CTTN: variants seen among roughly 807,000 people sequenced by gnomAD.
CTTN encodes src substrate cortactin.
Under a neutral mutation model 84.0 loss-of-function variants are expected in CTTN, and 28 were observed. The observed-to-expected ratio is 0.33, with a 90% CI of 0.25 to 0.46. CTTN has a LOEUF of 0.46. CTTN is among the 20% of genes least tolerant of loss of function. CTTN has a pLI of 1.00. For missense variants in CTTN, 641 were observed against 723.8 expected, an observed-to-expected ratio of 0.89 and a Z score of 1.31; for synonymous variants, 301 against 288.8, an observed-to-expected ratio of 1.04 and a Z score of -0.43.
At chr11:70,404,864 T>TG (rs1734876289) in intron 1 of CTTN, among the ~76,000 whole-genome samples, 1 of 152,058 alleles carries the variant, frequency 6.6e-6, no homozygotes, top group South Asian at 2.1e-4. Flanking sequence ...TAGCTGGGCG[T>TG]GGTGGCGCCT....
intron 1 of CTTN, among the ~76,000 whole-genome samples, chr11:70,399,482 A>G (rs1297337086): frequency 2.0e-5 from 3 of 151,834 alleles, no homozygotes; most frequent in African/African-American, 7.3e-5. Context: ...CCCGGCCTGC[A>G]CCTGAGCGGA....
In CTTN at chr11:70,435,979, TTA is replaced by T. The variant is rs2058413538; in HGVS notation, c.*818_*819del. The T allele has an allele frequency of 7.0e-7, 1 of 1,431,286 alleles. No homozygotes were observed. 88.7% of individuals were successfully genotyped at this position (1,431,286 alleles called of 1,614,324 possible). A position where few individuals can be genotyped will look rare whatever the true frequency, so the allele number is the denominator to read the frequency against. ...TTGGCTTTTCACAAAGGCTGATGTC[TTA>T]ACTGTCACCCATATGGTCCCTGGGC... On this transcript the variant is annotated 3_prime_UTR_variant, in exon 18 of 18. Coordinates refer to ENST00000301843, the MANE Select transcript of CTTN (RefSeq NM_005231.4).
At chr11:70,428,188 A>G (rs896471423) in intron 13 of CTTN, among the ~76,000 whole-genome samples, 4 of 111,798 alleles carry the variant, frequency 3.6e-5, no homozygotes, top group African/African-American at 6.8e-5. Context: ...TTTTTTTGAG[A>G]CAGAGTCTCG....
chr11:70,418,063 A>G (rs980880492), intron 8 of CTTN, among the ~76,000 whole-genome samples: 1 of 152,090 alleles, frequency 6.6e-6, no homozygotes, highest in African/African-American at 2.4e-5. Context: ...CTGCACATTT[A>G]AATTTTTAAA....
At chr11:70,431,999 C>T (rs1240557604) in intron 15 of CTTN, among the ~76,000 whole-genome samples, 8 of 152,168 alleles carry the variant, frequency 5.3e-5, no homozygotes, top group East Asian at 3.9e-4. Flanking sequence ...CATCTCTGCT[C>T]GCCCAGGAGC....
At chr11:70,428,973 C>T (rs778777323) in intron 13 of CTTN, 78 bp from the exon 14 acceptor site, 3 of 1,557,534 alleles carry the variant, frequency 1.9e-6, no homozygotes, top group South Asian at 1.2e-5. Flanking sequence ...GGAGGTCACT[C>T]TGTGTGGGTG....
chr11:70,411,025 G>A (rs1476287055), intron 5 of CTTN, among the ~76,000 whole-genome samples: 1 of 152,208 alleles, frequency 6.6e-6, no homozygotes, highest in Non-Finnish European at 1.5e-5. Context: ...CTGCAGGAAA[G>A]AGACATGGAT....
intron 5 of CTTN, among the ~76,000 whole-genome samples, chr11:70,412,387 C>T (rs1385249352): frequency 6.6e-6 from 1 of 152,152 alleles, no homozygotes; most frequent in Middle Eastern, 3.2e-3. Flanking sequence ...CGCACCATTA[C>T]AGTCCAGCCT....
chr11:70,407,843 C>G (rs2058060269), intron 4 of CTTN: 1 of 469,648 alleles, frequency 2.1e-6, no homozygotes, highest in African/African-American at 2.0e-5. Context: ...CAAACAATTT[C>G]CGTATTTATA....
chr11:70,423,740 C>T (rs568502058), intron 12 of CTTN, among the ~76,000 whole-genome samples: 1 of 152,198 alleles, frequency 6.6e-6, no homozygotes, highest in Non-Finnish European at 1.5e-5. Flanking sequence ...GGGGATAGAG[C>T]TGGCCCTGGA....
At chr11:70,426,041 G>A (rs1181740511) in intron 13 of CTTN, among the ~76,000 whole-genome samples, 2 of 152,164 alleles carry the variant, frequency 1.3e-5, no homozygotes, top group African/African-American at 4.8e-5. Context: ...GGCCCAGGAC[G>A]CTTTGACACT....
At position 70,431,271 on chromosome 11, in the gene CTTN, C is replaced by T. The variant is rs139350657; in HGVS notation, c.1257C>T (p.Pro419=). ...CCGAGGAGAGGCTGCCCTCGAGCCC[C>T]GTCTATGAGGTTGGTGTCTTTGGTG... ...QPTEERLPSS[P]VYEDAASFKA... is the part of the protein sequence containing the mutation. Residue 419 remains proline, a synonymous_variant, in exon 15 of 18, where the codon CCC becomes CCT. Coordinates refer to ENST00000301843, the MANE Select transcript of CTTN (RefSeq NM_005231.4). 82 of 1,613,982 alleles carry T rather than the reference C, an allele frequency of 5.1e-5. No homozygotes were observed. Among genetic ancestry groups the T allele is most frequent in the South Asian group, 1.2e-4 (11 of 91,086 alleles).
intron 14 of CTTN, among the ~76,000 whole-genome samples, chr11:70,429,434 G>T (rs1215329618): frequency 2.6e-5 from 4 of 152,170 alleles, no homozygotes; most frequent in Admixed American, 2.6e-4. Flanking sequence ...TGGTCTTGCC[G>T]GTCCAGCCCC....
At chr11:70,409,303 G>C (rs2058075337) in intron 4 of CTTN, among the ~76,000 whole-genome samples, 1 of 152,104 alleles carries the variant, frequency 6.6e-6, no homozygotes, top group African/African-American at 2.4e-5. Context: ...TTCATTATCT[G>C]CTGTATTAAA....
In CTTN at chr11:70,409,690, A is replaced by C; in HGVS notation, c.162-141A>C. On this transcript the variant is annotated intron_variant, in intron 4 of 17. Transcript: ENST00000301843. ...CAGAATAGTCAGGAAGGCACAGTGCAGGGAGAGAATCGGTGAACATCAGAT... is the reference window on the plus strand; with the variant it reads ...CAGAATAGTCAGGAAGGCACAGTGCCGGGAGAGAATCGGTGAACATCAGAT... 6 of 941,454 alleles carry C rather than the reference A, an allele frequency of 6.4e-6. 1 individual carries two copies. Among genetic ancestry groups the C allele is most frequent in the Admixed American group, 2.0e-5 (1 of 50,490 alleles). The allele number at this position is 941,454 out of a possible 1,614,324, so 58.3% of individuals were successfully genotyped here. A position where few individuals can be genotyped will look rare whatever the true frequency, so the allele number is the denominator to read the frequency against.
rs1591451537 is a variant in CTTN, at chr11:70,431,286, T to G, written c.1266+6T>G. On this transcript the variant is annotated splice_donor_region_variant and intron_variant, in intron 15 of 17. Transcript: ENST00000301843. ...CCTCGAGCCCCGTCTATGAGGTTGG[T>G]GTCTTTGGTGTTTGAATGAGCGTGA... is the stretch of plus-strand genomic sequence containing the variant. 1 of 1,613,746 alleles carries G rather than the reference T, an allele frequency of 6.2e-7. No homozygotes were observed. The highest frequency in any genetic ancestry group is 8.5e-7 in the Non-Finnish European group (1 of 1,179,814).
chr11:70,402,111 C>T (rs910379745), intron 1 of CTTN, among the ~76,000 whole-genome samples: 3 of 152,214 alleles, frequency 2.0e-5, no homozygotes, highest in African/African-American at 7.2e-5. Flanking sequence ...CGAGATCGCG[C>T]TGTTGCACTC....
intron 13 of CTTN, among the ~76,000 whole-genome samples, chr11:70,428,321 A>G (rs889452583): frequency 6.6e-6 from 1 of 151,638 alleles, no homozygotes; most frequent in Non-Finnish European, 1.5e-5. Context: ...GCCTGCCACC[A>G]AGCCCAGCTA....
chr11:70,408,601 T>C (rs2058069006), intron 4 of CTTN, among the ~76,000 whole-genome samples: 2 of 152,152 alleles, frequency 1.3e-5, no homozygotes, highest in African/African-American at 4.8e-5. Context: ...GTCTTGCTTT[T>C]GTTGCTCAGG....
Sources: gnomAD v4.1 joint callset for allele counts (sites outside exome capture counted in the v4.1 genomes callset) on GRCh38, gnomAD v4.1.1 for gene constraint, MANE v1.5 for transcripts, NCBI Gene and HGNC (gene_info 2026-07-23, HGNC 2026-07-21) for gene names.